Variants in B4GALT6 observed in about 807,000 individuals in gnomAD.
The protein encoded by B4GALT6 is UDP-Gal:beta-GlcNAc beta-1,4-galactosyltransferase 6.
B4GALT6 carries 14 observed loss-of-function variants against 46.3 expected under a neutral mutation model. The observed-to-expected ratio is 0.30, with a 90% CI of 0.20 to 0.47. The LOEUF is 0.47. Among genes scored for constraint, B4GALT6 ranks in the 20% least tolerant of loss-of-function variants. The pLI, the probability that B4GALT6 is intolerant of heterozygous loss-of-function variation, is 0.99. For synonymous variants in B4GALT6, 168 were observed against 162.0 expected, an observed-to-expected ratio of 1.04 and a Z score of -0.28; for missense variants, 386 against 480.1, an observed-to-expected ratio of 0.80 and a Z score of 1.83.
At chr18:31,713,835 C>A in the B4GALT6 span, among the ~76,000 whole-genome samples, 1 of 152,160 alleles carries the variant, frequency 6.6e-6, no homozygotes, top group Admixed American at 6.5e-5. Flanking sequence ...GCAAAATAAC[C>A]GCTGACAAGC....
intron 3 of B4GALT6, among the ~76,000 whole-genome samples, chr18:31,648,362 T>C (rs1319113431): frequency 6.6e-6 from 1 of 152,166 alleles, no homozygotes; most frequent in African/African-American, 2.4e-5. Flanking sequence ...TACCAAATAC[T>C]GAATTTCACT....
intron 1 of B4GALT6, among the ~76,000 whole-genome samples, chr18:31,675,311 G>A (rs1477324884): frequency 6.6e-6 from 1 of 152,190 alleles, no homozygotes; most frequent in African/African-American, 2.4e-5. Flanking sequence ...TTATCCACAT[G>A]TTTATTGAGT....
chr18:31,674,729 T>C (rs1235734540), intron 1 of B4GALT6, among the ~76,000 whole-genome samples: 2 of 152,210 alleles, frequency 1.3e-5, no homozygotes, highest in South Asian at 2.1e-4. Context: ...ATAACAATGG[T>C]GTAAACCCCA....
chr18:31,655,452 A>G (rs2074126458), intron 3 of B4GALT6, among the ~76,000 whole-genome samples: 1 of 152,212 alleles, frequency 6.6e-6, no homozygotes. Flanking sequence ...AAGGGGCAGT[A>G]GTGCTGAGAC....
chr18:31,635,507 A>C (rs962540188), intron 5 of B4GALT6, among the ~76,000 whole-genome samples: 2 of 152,236 alleles, frequency 1.3e-5, no homozygotes, highest in Non-Finnish European at 2.9e-5. Context: ...ATGGTATGTT[A>C]TATTAAATAC....
chr18:31,640,601 ACTAAAGAG>A (rs2073917895), intron 4 of B4GALT6, among the ~76,000 whole-genome samples: 1 of 152,210 alleles, frequency 6.6e-6, no homozygotes, highest in South Asian at 2.1e-4. Context: ...AATGGTAGGA[ACTAAAGAG>A]GTCTGGTGCC....
At chr18:31,647,688 C>T (rs369374518) in intron 3 of B4GALT6, among the ~76,000 whole-genome samples, 1 of 152,050 alleles carries the variant, frequency 6.6e-6, no homozygotes, top group Non-Finnish European at 1.5e-5. Context: ...AAAGTGTGAT[C>T]AGAGAGAGGA....
At chr18:31,705,985 T>G in the B4GALT6 span, among the ~76,000 whole-genome samples, 550 of 152,348 alleles carry the variant, frequency 3.6e-3, 3 homozygotes, top group African/African-American at 0.013. Flanking sequence ...AACATGTGCT[T>G]CTTCTACATT....
the B4GALT6 span, among the ~76,000 whole-genome samples, chr18:31,714,571 C>T: frequency 1.3e-5 from 2 of 152,222 alleles, no homozygotes; most frequent in Non-Finnish European, 2.9e-5. Flanking sequence ...CCACCCTCCC[C>T]TCTCTACAGA....
At chr18:31,712,420 A>G in the B4GALT6 span, among the ~76,000 whole-genome samples, 1 of 148,482 alleles carries the variant, frequency 6.7e-6, no homozygotes, top group Non-Finnish European at 1.5e-5. Context: ...CTCCTGCCTC[A>G]GCCTCCCAAG....
the B4GALT6 span, among the ~76,000 whole-genome samples, chr18:31,706,876 T>C: frequency 6.6e-6 from 1 of 152,214 alleles, no homozygotes; most frequent in South Asian, 2.1e-4. Context: ...AGAAACTTAC[T>C]GAGTGCTCTG....
At chr18:31,649,389 AG>A (rs1555636576) in intron 3 of B4GALT6, among the ~76,000 whole-genome samples, 6 of 152,206 alleles carry the variant, frequency 3.9e-5, no homozygotes, top group Non-Finnish European at 8.8e-5. Flanking sequence ...ATGAATGAGT[AG>A]GAAGATTCCT....
At chr18:31,711,133 C>G in the B4GALT6 span, among the ~76,000 whole-genome samples, 4 of 152,330 alleles carry the variant, frequency 2.6e-5, no homozygotes, top group African/African-American at 7.2e-5. Flanking sequence ...AAAGAGGTAT[C>G]TCTTAAAAAT....
chr18:31,633,074 G>A (rs2073811646), intron 5 of B4GALT6, among the ~76,000 whole-genome samples: 1 of 152,094 alleles, frequency 6.6e-6, no homozygotes, highest in Admixed American at 6.5e-5. Flanking sequence ...ATTAAGGACT[G>A]AAAATGCCAT....
In B4GALT6 at chr18:31,631,024, C is replaced by G. The variant is rs752189145; in HGVS notation, c.711G>C (p.Arg237=). 3 of 1,614,086 alleles carry G rather than the reference C, an allele frequency of 1.9e-6. No individual in the cohort carries two copies. Among genetic ancestry groups the G allele is most frequent in the Non-Finnish European group, 2.5e-6 (3 of 1,180,018 alleles). The part of the protein sequence containing the change: ...HDVDHLPEND[R]NYYGCGEMPR... ...GCATTTCTCCACATCCGTAATAGTTCCGGTCATTTTCAGGTAGATGATCCA... is the reference window on the plus strand; with the variant it reads ...GCATTTCTCCACATCCGTAATAGTTGCGGTCATTTTCAGGTAGATGATCCA... Residue 237 remains arginine, a synonymous_variant, in exon 6 of 9, where the codon CGG becomes CGC. Transcript: ENST00000306851.
chr18:31,687,918 A>G (rs1349187233), upstream of B4GALT6, among the ~76,000 whole-genome samples: 2 of 152,254 alleles, frequency 1.3e-5, no homozygotes, highest in African/African-American at 4.8e-5. Context: ...AACAATATAC[A>G]CTGTGTTTTG....
At chr18:31,717,357 A>C in the B4GALT6 span, among the ~76,000 whole-genome samples, 1 of 152,194 alleles carries the variant, frequency 6.6e-6, no homozygotes, top group East Asian at 1.9e-4. Flanking sequence ...TACCTTATGG[A>C]ATTGACTGAA....
rs869030382 is a variant in B4GALT6 at position 31,629,447 on chromosome 18, A to ATTTTTTTTTTT, written c.776+1501_776+1511dup. On this transcript the variant is annotated intron_variant, in intron 6 of 8. Transcript: ENST00000306851. Reference sequence around the variant, plus strand: ...ATTCTTAGTTTATATGCCCTTTATGATTTTTTTTTTTTTTTTTTTTTTTTT... The same window carrying ATTTTTTTTTTT: ...ATTCTTAGTTTATATGCCCTTTATGATTTTTTTTTTTTTTTTTTTTTTTTTTTTTTTTTTTT... Among the ~76,000 whole-genome samples, 38 of 32,884 alleles carry ATTTTTTTTTTT rather than the reference A, an allele frequency of 1.2e-3. 4 individuals are homozygous for ATTTTTTTTTTT. Among genetic ancestry groups the ATTTTTTTTTTT allele is most frequent in the East Asian group, 5.1e-3 (3 of 594 alleles). The allele number at this position is 32,884 out of a possible 152,430, so 21.6% of individuals were successfully genotyped here.
At chr18:31,641,599 T>A (rs2073931685) in intron 4 of B4GALT6, among the ~76,000 whole-genome samples, 1 of 152,164 alleles carries the variant, frequency 6.6e-6, no homozygotes, top group Non-Finnish European at 1.5e-5. Flanking sequence ...TTCAGGACAT[T>A]CTTCTATGTG....
Sources: allele counts gnomAD v4.1 joint callset (sites outside exome capture counted in the v4.1 genomes callset), GRCh38; gene constraint gnomAD v4.1.1; transcripts MANE v1.5; gene names NCBI Gene and HGNC (gene_info 2026-07-23, HGNC 2026-07-21).